The following KCNH7 variants were observed in gnomAD, a reference collection of about 807,000 sequenced individuals.
The protein encoded by KCNH7 is potassium voltage-gated channel subfamily H member 7, also known as voltage-gated inwardly rectifying potassium channel KCNH7.
A neutral mutation model predicts 120.8 loss-of-function variants in KCNH7; 49 were observed. That is an observed-to-expected ratio of 0.41 (90% CI 0.32 to 0.51). KCNH7 has a LOEUF of 0.51. Ranked by LOEUF, KCNH7 falls within the 20% of genes least tolerant of loss-of-function variation. KCNH7 has a pLI of 0.38. For synonymous variants in KCNH7, 547 were observed against 516.1 expected (o/e 1.06, Z -0.81); for missense variants, 1,097 against 1,446.6 (o/e 0.76, Z 3.92).
intron 2 of KCNH7, among the ~76,000 whole-genome samples, chr2:162,823,730 T>C (rs1315281872): frequency 6.6e-6 from 1 of 152,184 alleles, no homozygotes; most frequent in African/African-American, 2.4e-5. Context: ...ATTCAATGCC[T>C]GAGATTTCTT....
intron 7 of KCNH7, among the ~76,000 whole-genome samples, chr2:162,443,452 C>G (rs75308780): frequency 6.6e-6 from 1 of 152,088 alleles, no homozygotes; most frequent in South Asian, 2.1e-4. Flanking sequence ...ACCCTCCTGC[C>G]CTTCACCAAA....
At chr2:162,399,306 T>C (rs1362999183) in intron 10 of KCNH7, among the ~76,000 whole-genome samples, 1 of 151,754 alleles carries the variant, frequency 6.6e-6, no homozygotes, top group East Asian at 1.9e-4. Flanking sequence ...AAAGAAGTAC[T>C]ACAAGTTCAC....
chr2:162,707,296 C>T (rs1343307162), intron 2 of KCNH7, among the ~76,000 whole-genome samples: 3 of 151,958 alleles, frequency 2.0e-5, no homozygotes, highest in Admixed American at 6.6e-5. Context: ...GTAAAAAGAA[C>T]TAGGATCATT....
At chr2:162,672,105 G>C (rs1685381678) in intron 2 of KCNH7, among the ~76,000 whole-genome samples, 1 of 151,972 alleles carries the variant, frequency 6.6e-6, no homozygotes, top group Non-Finnish European at 1.5e-5. Flanking sequence ...TTATCGTTGT[G>C]GGAGATTTTC....
intron 6 of KCNH7, among the ~76,000 whole-genome samples, chr2:162,474,473 G>C (rs1689663944): frequency 1.3e-5 from 2 of 152,226 alleles, no homozygotes; most frequent in South Asian, 4.1e-4. Flanking sequence ...ATTCCAGAGA[G>C]AAAGGCTGAT....
chr2:162,474,655 C>T (rs149488315), intron 6 of KCNH7, among the ~76,000 whole-genome samples: 5 of 152,344 alleles, frequency 3.3e-5, no homozygotes, highest in Non-Finnish European at 7.3e-5. Flanking sequence ...TCTGTGTGCA[C>T]TCTCATACTC....
chr2:162,513,258 C>T (rs553868795), intron 4 of KCNH7, among the ~76,000 whole-genome samples: 112 of 131,672 alleles, frequency 8.5e-4, no homozygotes, highest in Non-Finnish European at 7.7e-4. Flanking sequence ...TCCCTCTTTC[C>T]CTCCTTCCTT....
In KCNH7 at chr2:162,485,534, C is replaced by T. The variant is rs180919857; in HGVS notation, c.1128+18909G>A. ...TGCTAAAATTAAAGGAAACTCTACA[C>T]GTCAGAAACTCTTCATTCATTTCTA... On this transcript the variant is annotated intron_variant, in intron 6 of 15. Transcript: ENST00000332142. 7.0e-3 allele frequency among the ~76,000 whole-genome samples: 1,067 copies of T among 152,202 alleles called. 11 individuals carry two copies. Among genetic ancestry groups the T allele is most frequent in the African/African-American group, 0.024 (1,008 of 41,514 alleles).
chr2:162,374,140 CTG>C lies in KCNH7; in HGVS notation c.3132-480_3132-479del, dbSNP rs535795220. On this transcript the variant is annotated intron_variant, in intron 14 of 15. Coordinates refer to ENST00000332142, the MANE Select transcript of KCNH7 (RefSeq NM_033272.4). ...ATATTAACACTTTTTAACCTTACCT[CTG>C]TCCTATTCATATTAAGTATTGTATA... Among the ~76,000 whole-genome samples the C allele has an allele frequency of 2.0e-5, 3 of 152,292 alleles. No homozygotes were observed. In the South Asian group the frequency reaches 6.2e-4, roughly 32 times the overall value.
At chr2:162,382,682 A>G (rs1481109119) in intron 13 of KCNH7, among the ~76,000 whole-genome samples, 2 of 151,990 alleles carry the variant, frequency 1.3e-5, no homozygotes, top group South Asian at 2.1e-4. Flanking sequence ...GACATGTCCT[A>G]TTGATGGTGA....
chr2:162,690,730 A>ATATCTGTCCT (rs11282976), intron 2 of KCNH7, among the ~76,000 whole-genome samples: 48,856 of 151,732 alleles, frequency 0.32, 12,663 homozygotes, highest in African/African-American at 0.7. Flanking sequence ...AAGGGAAGCA[A>ATATCTGTCCT]TATACAGTAG....
chr2:162,592,670 G>T (rs1285467508), intron 2 of KCNH7, among the ~76,000 whole-genome samples: 2 of 152,002 alleles, frequency 1.3e-5, no homozygotes, highest in East Asian at 3.9e-4. Flanking sequence ...ACTTACCAGA[G>T]AATTTAGCAC....
intron 2 of KCNH7, among the ~76,000 whole-genome samples, chr2:162,730,415 T>C (rs1374031627): frequency 6.7e-6 from 1 of 150,102 alleles, no homozygotes; most frequent in African/African-American, 2.5e-5. Context: ...AACTAGGAAA[T>C]GCACAAATAG....
intron 2 of KCNH7, among the ~76,000 whole-genome samples, chr2:162,787,149 A>T (rs1439843380): frequency 6.6e-6 from 1 of 151,986 alleles, no homozygotes; most frequent in African/African-American, 2.4e-5. Flanking sequence ...CCTAGTTTCA[A>T]GCTGGCCTGG....
At chr2:162,494,723 G>A (rs1690436678) in intron 6 of KCNH7, among the ~76,000 whole-genome samples, 1 of 151,978 alleles carries the variant, frequency 6.6e-6, no homozygotes, top group African/African-American at 2.4e-5. Flanking sequence ...TCCAAAAAAT[G>A]GTTTATAATC....
chr2:162,458,227 G>A (rs1689037074), intron 6 of KCNH7, among the ~76,000 whole-genome samples: 1 of 151,936 alleles, frequency 6.6e-6, no homozygotes, highest in Admixed American at 6.6e-5. Context: ...AGCTATATAT[G>A]CTAATATGAA....
At chr2:162,405,192 C>T (rs1020411697) in intron 9 of KCNH7, among the ~76,000 whole-genome samples, 1 of 151,952 alleles carries the variant, frequency 6.6e-6, no homozygotes, top group Non-Finnish European at 1.5e-5. Flanking sequence ...CATGTATTAA[C>T]TTCCCTTTAC....
intron 2 of KCNH7, among the ~76,000 whole-genome samples, chr2:162,638,205 A>T (rs979792361): frequency 2.6e-5 from 4 of 152,104 alleles, no homozygotes; most frequent in African/African-American, 9.7e-5. Flanking sequence ...GGTCAATGAC[A>T]AAACTCACGA....
Position 162,725,814 on chromosome 2 carries a change from A to G in KCNH7, c.307+110723T>C, listed in dbSNP as rs544997630. 2.6e-5 allele frequency among the ~76,000 whole-genome samples: 4 copies of G among 152,328 alleles called. No homozygotes were observed. The South Asian group carries it at 8.3e-4, about 32-fold the overall frequency. ...ACCCCATGTAGAAAACACTCAGCTT[A>G]CATAATTATCAACTCATGGGTAACT... On this transcript the variant is annotated intron_variant, in intron 2 of 15. Coordinates refer to ENST00000332142, the MANE Select transcript of KCNH7 (RefSeq NM_033272.4).
Sources: gnomAD v4.1 joint callset for allele counts (sites outside exome capture counted in the v4.1 genomes callset) on GRCh38, gnomAD v4.1.1 for gene constraint, MANE v1.5 for transcripts, NCBI Gene and HGNC (gene_info 2026-07-23, HGNC 2026-07-21) for gene names.